The following ANK1 variants were observed in gnomAD, a reference collection of about 807,000 sequenced individuals.
ANK1 encodes ankyrin 1, also known as ankyrin-1.
A neutral mutation model predicts 210.4 loss-of-function variants in ANK1; 51 were observed. The ratio of observed to expected loss-of-function variants is 0.24; its 90% CI spans 0.19 to 0.31. The LOEUF (loss-of-function observed/expected upper bound fraction) is 0.31. ANK1 is among the 10% of genes least tolerant of loss of function. ANK1 has a pLI of 1.00. For synonymous variants in ANK1, 967 were observed against 1,025.9 expected, an observed-to-expected ratio of 0.94 and a Z score of 1.10; for missense variants, 2,051 against 2,504.4, an observed-to-expected ratio of 0.82 and a Z score of 3.86.
chr8:41,653,945 G>A lies in ANK1; in HGVS notation c.*1845C>T, dbSNP rs1355825285. On this transcript the variant is annotated 3_prime_UTR_variant, in exon 43 of 43. Coordinates refer to ENST00000289734, the MANE Select transcript of ANK1 (RefSeq NM_000037.4). Reference sequence around the variant, plus strand: ...CGCCCCGGGGCCTGCCTGGCCGGGGGTGCACCGGGGCGGATTTGTGTGGGA... The same window carrying A: ...CGCCCCGGGGCCTGCCTGGCCGGGGATGCACCGGGGCGGATTTGTGTGGGA... 5 of 152,216 alleles carry A rather than the reference G, an allele frequency of 3.3e-5. No individual in the cohort carries two copies. The highest frequency in any genetic ancestry group is 2.9e-5 in the Non-Finnish European group (2 of 68,028). 9.4% of individuals were successfully genotyped at this position (152,216 alleles called of 1,614,324 possible).
chr8:41,726,119 T>C (rs1830641204), intron 5 of ANK1, among the ~76,000 whole-genome samples, 173 bp from the exon 6 acceptor site: 2 of 152,362 alleles, frequency 1.3e-5, no homozygotes, highest in South Asian at 4.1e-4. Context: ...ATCTCCTCCC[T>C]GAAGCCCTTC....
rs1447565568 is a variant in ANK1, at chr8:41,723,621, G to A, written c.724C>T (p.Pro242Ser). Residue 242 changes from proline to serine, a missense_variant, in exon 8 of 43, where the codon CCA becomes TCA. By Grantham distance (74) the Pro-to-Ser change is moderately conservative (BLOSUM62 -1). Coordinates refer to ENST00000289734, the MANE Select transcript of ANK1 (RefSeq NM_000037.4). ...CCCCTGCGGGAGGCGATGTGCAGTG[G>A]CGTGATGCCGTTCTGAAGGGAGGAA... is the stretch of plus-strand genomic sequence containing the variant. ...VNFTPQNGIT[P>S]LHIASRRGNV... 1.9e-6 allele frequency: 3 copies of A among 1,613,226 alleles called. No individual in the cohort carries two copies. The highest frequency in any genetic ancestry group is 2.5e-6 in the Non-Finnish European group (3 of 1,179,970).
Position 41,704,779 on chromosome 8 carries a change from G to A in ANK1, c.2098-307C>T, listed in dbSNP as rs1474374092. 1.3e-5 allele frequency among the ~76,000 whole-genome samples: 2 copies of A among 152,178 alleles called. No homozygotes were observed. Among genetic ancestry groups the A allele is most frequent in the African/African-American group, 4.8e-5 (2 of 41,462 alleles). On this transcript the variant is annotated intron_variant, in intron 18 of 42. Transcript: ENST00000289734. The surrounding 1 kb of genome is among the most constrained non-coding windows in gnomAD (Gnocchi z 4.1). Reference sequence around the variant, plus strand: ...GGTGAGTGAGGTCCCCCAGAATAAAGTGGAGGGTGAAAAGTGGGGCCGAAG... The same window carrying A: ...GGTGAGTGAGGTCCCCCAGAATAAAATGGAGGGTGAAAAGTGGGGCCGAAG...
At chr8:41,677,132 T>C (rs1814404426) in intron 37 of ANK1, among the ~76,000 whole-genome samples, 2 of 152,240 alleles carry the variant, frequency 1.3e-5, no homozygotes, top group African/African-American at 2.4e-5. Context: ...CACAAAATTG[T>C]CATAATATCC....
At chr8:41,736,213 C>G (rs1833369221) in intron 2 of ANK1, among the ~76,000 whole-genome samples, 1 of 152,200 alleles carries the variant, frequency 6.6e-6, no homozygotes, top group African/African-American at 2.4e-5. Flanking sequence ...ACTGGGCAGG[C>G]AGAAACCAAC....
intron 1 of ANK1, among the ~76,000 whole-genome samples, chr8:41,793,962 G>A (rs2150765968): frequency 6.6e-6 from 1 of 152,258 alleles, no homozygotes; most frequent in South Asian, 2.1e-4. Flanking sequence ...TCAACAACCA[G>A]CCCTATGTAT....
rs554615939 is a variant in ANK1 at position 41,701,344 on chromosome 8, A to G, written c.2461+206T>C. ...CTTCATGGGATTTTAAATTTAGTCAATGTTCCCTCACCTAAGTATTAATAG... is the reference window on the plus strand; with the variant it reads ...CTTCATGGGATTTTAAATTTAGTCAGTGTTCCCTCACCTAAGTATTAATAG... On this transcript the variant is annotated intron_variant, in intron 22 of 42. Coordinates refer to ENST00000289734, the MANE Select transcript of ANK1 (RefSeq NM_000037.4). 5.9e-5 allele frequency among the ~76,000 whole-genome samples: 9 copies of G among 152,358 alleles called. No homozygotes were observed. In the South Asian group the frequency reaches 6.2e-4, roughly 11 times the overall value.
intron 34 of ANK1, 119 bp from the exon 35 acceptor site, chr8:41,688,349 C>T: frequency 6.9e-7 from 1 of 1,440,300 alleles, no homozygotes; most frequent in South Asian, 1.1e-5. Flanking sequence ...TCTAGACTCT[C>T]TGCAAGATCA....
chr8:41,753,126 G>A (rs1317408516), intron 2 of ANK1, among the ~76,000 whole-genome samples: 1 of 141,490 alleles, frequency 7.1e-6, no homozygotes, highest in African/African-American at 2.6e-5. Flanking sequence ...GCAGTGGCTC[G>A]ATCTCGGCTC....
chr8:41,715,633 AC>A lies in ANK1; in HGVS notation c.1602+18del. 1.2e-6 allele frequency: 2 copies of A among 1,612,210 alleles called. No individual in the cohort carries two copies. Among genetic ancestry groups the A allele is most frequent in the Non-Finnish European group, 1.7e-6 (2 of 1,179,838 alleles). On this transcript the variant is annotated intron_variant, in intron 14 of 42. Transcript: ENST00000289734. ...AGTGAGCCTGTTGCTTCCTTAGACCACGAGGCGGGAGGCTGTACCTTGGTCA... is the reference window on the plus strand; with the variant it reads ...AGTGAGCCTGTTGCTTCCTTAGACCAGAGGCGGGAGGCTGTACCTTGGTCA...
chr8:41,665,197 G>A, intron 39 of ANK1: 1 of 1,530,944 alleles, frequency 6.5e-7, no homozygotes. Flanking sequence ...TCTGTGGGCA[G>A]GACACCGAAT....
In ANK1 at chr8:41,684,481, T is replaced by TCCCACAATA. The variant is rs1817091364; in HGVS notation, c.4537+62_4537+63insTATTGTGGG. On this transcript the variant is annotated intron_variant, in intron 37 of 42. Coordinates refer to ENST00000289734, the MANE Select transcript of ANK1 (RefSeq NM_000037.4). ...ATGACGTATTGTGGGAAGGGGTTAT[T>TCCCACAATA]GGTGCTGATGCCTGTAGGGCAGGGC... is the stretch of plus-strand genomic sequence containing the variant. 1.9e-6 allele frequency: 3 copies of TCCCACAATA among 1,602,038 alleles called. No individual in the cohort carries two copies. The East Asian group carries it at 6.7e-5, about 36-fold the overall frequency.
At chr8:41,835,385 G>C (rs1236613487) in intron 1 of ANK1, among the ~76,000 whole-genome samples, 1 of 152,204 alleles carries the variant, frequency 6.6e-6, no homozygotes, top group Admixed American at 6.5e-5. Flanking sequence ...CCGGGAGGTG[G>C]AGGTAGCAGT....
intron 5 of ANK1, 137 bp from the exon 6 acceptor site, chr8:41,726,083 C>A: frequency 9.1e-6 from 9 of 986,958 alleles, no homozygotes; most frequent in Non-Finnish European, 1.4e-5. Context: ...AAGCCCTCTT[C>A]ATCCGCCAAG....
intron 2 of ANK1, among the ~76,000 whole-genome samples, chr8:41,754,463 A>C (rs1838576908): frequency 6.6e-6 from 1 of 152,212 alleles, no homozygotes; most frequent in Non-Finnish European, 1.5e-5. Context: ...TACTTAGAGT[A>C]ATTACTTCCT....
chr8:41,739,698 T>C (rs1352188579), intron 2 of ANK1, among the ~76,000 whole-genome samples: 2 of 152,044 alleles, frequency 1.3e-5, no homozygotes, highest in African/African-American at 4.8e-5. Context: ...GGGGTTGACC[T>C]GAGTTTGAGT....
At chr8:41,804,541 G>A (rs1176061327) in intron 1 of ANK1, among the ~76,000 whole-genome samples, 1 of 152,170 alleles carries the variant, frequency 6.6e-6, no homozygotes, top group African/African-American at 2.4e-5. Flanking sequence ...CTCATAAGGT[G>A]AGTTGGCTGG....
At chr8:41,673,269 T>A (rs1250274761) in intron 37 of ANK1, among the ~76,000 whole-genome samples, 2 of 152,142 alleles carry the variant, frequency 1.3e-5, no homozygotes, top group Non-Finnish European at 2.9e-5. Context: ...CTCCAATCTG[T>A]CTCTGATCCC....
In ANK1 at chr8:41,706,169, C is replaced by G; in HGVS notation, c.2071G>C (p.Gly691Arg). The G allele has an allele frequency of 6.2e-7, 1 of 1,614,004 alleles. No homozygotes were observed. The highest frequency in any genetic ancestry group is 1.1e-5 in the South Asian group (1 of 91,068). ...CGGGTGGTGGCGTCCACCATGACGC[C>G]GTGTTTGATCAGCACATCTGCCACT... ...VPVADVLIKH[G>R]VMVDATTRMG... The change falls in exon 18 of 43, where the codon GGC (glycine) becomes CGC (arginine). Residue 691 changes from glycine (G) to arginine (R), a missense_variant. This residue lies in a region of ANK1 where 1,413 missense variants were observed against 1,707.4 expected (regional missense o/e 0.83). Transcript: ENST00000289734.
Sources: allele counts gnomAD v4.1 joint callset (sites outside exome capture counted in the v4.1 genomes callset), GRCh38; gene constraint gnomAD v4.1.1; regional missense constraint gnomAD v4.1.1; non-coding constraint Gnocchi (gnomAD v3.1); transcripts MANE v1.5; gene names NCBI Gene and HGNC (gene_info 2026-07-23, HGNC 2026-07-21).